Variants in CYP2C19 observed in about 807,000 individuals in gnomAD.
CYP2C19 encodes the protein cytochrome P450 2C19.
Under a neutral mutation model 40.9 loss-of-function variants are expected in CYP2C19, and 59 were observed. That is an observed-to-expected ratio of 1.44 (90% CI 1.17 to 1.79). CYP2C19 has a LOEUF of 1.79. CYP2C19 is among the 40% of genes most tolerant of loss of function. The pLI is 0.00. For missense variants in CYP2C19, 754 were observed against 596.9 expected, an observed-to-expected ratio of 1.26 and a Z score of -2.74; for synonymous variants, 253 against 208.7, an observed-to-expected ratio of 1.21 and a Z score of -1.83.
chr10:94,853,547 C>CT lies in CYP2C19; in HGVS notation c.*649dup, dbSNP rs34415420. Among the ~76,000 whole-genome samples, 94,498 of 139,058 alleles carry CT rather than the reference C, an allele frequency of 0.68. 32,446 individuals are homozygous for CT. The highest frequency in any genetic ancestry group is 0.73 in the Admixed American group (10,007 of 13,802). The allele number at this position is 139,058 out of a possible 152,430, so 91.2% of individuals were successfully genotyped here. A position where few individuals can be genotyped will look rare whatever the true frequency, so the allele number is the denominator to read the frequency against. On this transcript the variant is annotated 3_prime_UTR_variant, in exon 9 of 9. Coordinates refer to ENST00000371321, the MANE Select transcript of CYP2C19 (RefSeq NM_000769.4). ...TATTAAATGTTCCACATTGGTGTTC[C>CT]TTTTTTTTTTTTTTTTGAGACAATG...
chr10:94,796,186 G>A (rs537317349), intron 5 of CYP2C19, among the ~76,000 whole-genome samples: 20 of 152,276 alleles, frequency 1.3e-4, no homozygotes, highest in African/African-American at 4.8e-4. Context: ...TAAGGTGTAA[G>A]GAAGGGATCC....
At chr10:94,820,171 C>T (rs1452073280) in intron 5 of CYP2C19, among the ~76,000 whole-genome samples, 2 of 151,898 alleles carry the variant, frequency 1.3e-5, no homozygotes, top group Non-Finnish European at 2.9e-5. Context: ...GCAGAAAAAG[C>T]CCTTGACAAA....
chr10:94,812,994 T>C (rs1215161677), intron 5 of CYP2C19, among the ~76,000 whole-genome samples: 2 of 151,698 alleles, frequency 1.3e-5, no homozygotes, highest in Non-Finnish European at 1.5e-5. Flanking sequence ...TTTTCTCATA[T>C]TTGTGGATTT....
chr10:94,784,651 T>C (rs995884452), intron 5 of CYP2C19, among the ~76,000 whole-genome samples: 3 of 152,106 alleles, frequency 2.0e-5, no homozygotes, highest in Non-Finnish European at 4.4e-5. Flanking sequence ...AGTCTCACTC[T>C]GTTGCCTAGG....
intron 6 of CYP2C19, among the ~76,000 whole-genome samples, chr10:94,821,383 C>G (rs1481586562): frequency 6.6e-6 from 1 of 152,168 alleles, no homozygotes; most frequent in African/African-American, 2.4e-5. Context: ...AAAATGGAAA[C>G]TCTTCTTATT....
At chr10:94,836,564 C>A (rs529415073) in intron 6 of CYP2C19, among the ~76,000 whole-genome samples, 58 of 152,312 alleles carry the variant, frequency 3.8e-4, no homozygotes, top group African/African-American at 1.3e-3. Flanking sequence ...ATATAATGGT[C>A]TGTCTATTTC....
intron 7 of CYP2C19, among the ~76,000 whole-genome samples, chr10:94,847,199 G>A (rs1344922455): frequency 1.3e-5 from 2 of 151,984 alleles, no homozygotes; most frequent in South Asian, 4.2e-4. Context: ...TTAGCATTAG[G>A]TATATCTCCT....
At chr10:94,827,317 T>C (rs894647535) in intron 6 of CYP2C19, among the ~76,000 whole-genome samples, 2 of 152,078 alleles carry the variant, frequency 1.3e-5, no homozygotes, top group African/African-American at 2.4e-5. Context: ...TGGTAAGCTA[T>C]TGATTATTGC....
At chr10:94,803,230 TTC>T in intron 5 of CYP2C19, among the ~76,000 whole-genome samples, 1 of 152,306 alleles carries the variant, frequency 6.6e-6, no homozygotes, top group South Asian at 2.1e-4. Flanking sequence ...TAGAATTGTT[TTC>T]TCTCCCTATT....
At chr10:94,772,642 G>A (rs927847206) in intron 1 of CYP2C19, among the ~76,000 whole-genome samples, 30 of 152,140 alleles carry the variant, frequency 2.0e-4, no homozygotes, top group Non-Finnish European at 1.8e-4. Flanking sequence ...AACCCTTGGC[G>A]CAGCCCAGAA....
At position 94,829,417 on chromosome 10, in the gene CYP2C19, G is replaced by A. The variant is rs554518639; in HGVS notation, c.961+8780G>A. Among the ~76,000 whole-genome samples the A allele has an allele frequency of 7.9e-5, 12 of 151,960 alleles. No individual in the cohort carries two copies. In the South Asian group the frequency reaches 1.2e-3, roughly 16 times the overall value. Reference sequence around the variant, plus strand: ...TTCTCGCTACATTTCATCTTCCATTGCTGATACCCTTTCTTCCAGTTGATC... The same window carrying A: ...TTCTCGCTACATTTCATCTTCCATTACTGATACCCTTTCTTCCAGTTGATC... On this transcript the variant is annotated intron_variant, in intron 6 of 8. Transcript: ENST00000371321.
chr10:94,834,691 G>A (rs1849375825), intron 6 of CYP2C19, among the ~76,000 whole-genome samples: 1 of 151,982 alleles, frequency 6.6e-6, no homozygotes, highest in Non-Finnish European at 1.5e-5. Context: ...CCCTCCCACT[G>A]TGCTTTCAGG....
chr10:94,781,412 T>C (rs543495603), intron 4 of CYP2C19, among the ~76,000 whole-genome samples: 2 of 152,258 alleles, frequency 1.3e-5, no homozygotes, highest in African/African-American at 4.8e-5. Flanking sequence ...TAGAAATCAA[T>C]ATAGCAGGGA....
intron 7 of CYP2C19, among the ~76,000 whole-genome samples, chr10:94,849,154 C>T (rs1325940319): frequency 6.6e-6 from 1 of 151,992 alleles, no homozygotes; most frequent in Non-Finnish European, 1.5e-5. Flanking sequence ...CTGTCTTGTG[C>T]CTTTAAGTCA....
Position 94,850,044 on chromosome 10 carries a change from T to A in CYP2C19, c.1277T>A (p.Met426Lys). ...GGNFKKSNYF[M>K]PFSAGKRICV... ...AATTTTAAGAAAAGTAACTACTTCATGCCTTTCTCAGCAGGTAATATAAAT... is the reference window on the plus strand; with the variant it reads ...AATTTTAAGAAAAGTAACTACTTCAAGCCTTTCTCAGCAGGTAATATAAAT... The change falls in exon 8 of 9, where the codon ATG becomes AAG. Residue 426 changes from methionine to lysine, a missense_variant. Transcript: ENST00000371321. 2 of 1,613,546 alleles carry A rather than the reference T, an allele frequency of 1.2e-6. No individual in the cohort carries two copies. The highest frequency in any genetic ancestry group is 8.5e-7 in the Non-Finnish European group (1 of 1,179,616).
chr10:94,830,544 C>A (rs981303634), intron 6 of CYP2C19, among the ~76,000 whole-genome samples: 1 of 152,174 alleles, frequency 6.6e-6, no homozygotes, highest in Non-Finnish European at 1.5e-5. Context: ...CACTGACCTG[C>A]GCCCACTGTC....
intron 6 of CYP2C19, among the ~76,000 whole-genome samples, chr10:94,839,990 A>ATT (rs113708910): frequency 1.3e-5 from 2 of 150,166 alleles, no homozygotes; most frequent in African/African-American, 4.9e-5. Flanking sequence ...GCTTTTTTTT[A>ATT]TTTTTTTTTG....
intron 7 of CYP2C19, among the ~76,000 whole-genome samples, chr10:94,847,618 G>A (rs1325633907): frequency 1.3e-5 from 2 of 152,158 alleles, no homozygotes; most frequent in Non-Finnish European, 1.5e-5. Context: ...GGGTCAAGCG[G>A]TATTTCTAGT....
chr10:94,777,237 TA>T (rs1296264869), intron 3 of CYP2C19, among the ~76,000 whole-genome samples: 2 of 152,298 alleles, frequency 1.3e-5, no homozygotes, highest in African/African-American at 4.8e-5. Context: ...AAAAGTAATT[TA>T]TAGGTTCAAT....
Sources: allele counts gnomAD v4.1 joint callset (sites outside exome capture counted in the v4.1 genomes callset), GRCh38; gene constraint gnomAD v4.1.1; transcripts MANE v1.5; gene names NCBI Gene and HGNC (gene_info 2026-07-23, HGNC 2026-07-21).